Variants in STX3 observed in about 807,000 individuals in gnomAD.
STX3 encodes the protein syntaxin 3.
In STX3, 19 loss-of-function variants were observed where a neutral mutation model predicts 40.2. That is an observed-to-expected ratio of 0.47 (90% CI 0.33 to 0.69). The LOEUF is 0.69. Ranked by LOEUF, STX3 falls within the 30% of genes least tolerant of loss-of-function variation. The pLI, the probability that STX3 is intolerant of heterozygous loss-of-function variation, is 0.02. For synonymous variants in STX3, 122 were observed against 132.2 expected (o/e 0.92, Z 0.53); for missense variants, 364 against 366.7 (o/e 0.99, Z 0.06).
At chr11:59,782,333 A>C (rs747741006) in intron 2 of STX3, among the ~76,000 whole-genome samples, 1 of 152,248 alleles carries the variant, frequency 6.6e-6, no homozygotes, top group Non-Finnish European at 1.5e-5. Flanking sequence ...CAGGATTGCT[A>C]TGAGGATTAA....
At position 59,801,237 on chromosome 11, in the gene STX3, G is replaced by A; in HGVS notation, c.*413G>A. 9.4e-7 allele frequency: 1 copy of A among 1,063,482 alleles called. No individual in the cohort carries two copies. The highest frequency in any genetic ancestry group is 1.1e-6 in the Non-Finnish European group (1 of 878,714). The allele number at this position is 1,063,482 out of a possible 1,614,324, so 65.9% of individuals were successfully genotyped here. A position where few individuals can be genotyped will look rare whatever the true frequency, so the allele number is the denominator to read the frequency against. On this transcript the variant is annotated 3_prime_UTR_variant, in exon 11 of 11. Transcript: ENST00000337979. The stretch of plus-strand genomic sequence containing the variant: ...AGAAACTGCAATGTATTTTTTTAGG[G>A]GAGTATCTTTAACAAAGCAGAATGA...
rs765182865 is a variant in STX3, at chr11:59,790,575, C to T, written c.346C>T (p.Arg116Trp). 61 of 1,613,360 alleles carry T rather than the reference C, an allele frequency of 3.8e-5. No homozygotes were observed. Among genetic ancestry groups the T allele is most frequent in the Middle Eastern group, 1.6e-4 (1 of 6,082 alleles). ...EVRSSADLRI[R>W]KSQHSVLSRK... ...CAGGTCATCGGCAGACCTTCGGATTCGGAAATCCCAGGTAAGACTTTTCCT... is the reference window on the plus strand; with the variant it reads ...CAGGTCATCGGCAGACCTTCGGATTTGGAAATCCCAGGTAAGACTTTTCCT... The change falls in exon 5 of 11, where the codon CGG becomes TGG. Residue 116 changes from arginine to tryptophan, a missense_variant. Transcript: ENST00000337979.
At chr11:59,755,301 A>C, upstream of STX3, 1 of 250,806 alleles carries the variant, frequency 4.0e-6, no homozygotes, top group Non-Finnish European at 7.5e-6. Context: ...GCCCTTTAAG[A>C]AGGAGCGAGG....
At chr11:59,764,232 ATTGCATCT>A (rs1863177288) in intron 1 of STX3, among the ~76,000 whole-genome samples, 1 of 152,214 alleles carries the variant, frequency 6.6e-6, no homozygotes, top group Non-Finnish European at 1.5e-5. Flanking sequence ...TGGCATTAGA[ATTGCATCT>A]TTGCCAGAAA....
At chr11:59,760,012 C>T (rs929418465) in intron 1 of STX3, among the ~76,000 whole-genome samples, 5 of 152,162 alleles carry the variant, frequency 3.3e-5, no homozygotes, top group Non-Finnish European at 5.9e-5. Context: ...ATTCCTGCCT[C>T]CCCTCTTCTC....
At chr11:59,758,985 A>G (rs1862884111) in intron 1 of STX3, among the ~76,000 whole-genome samples, 1 of 152,212 alleles carries the variant, frequency 6.6e-6, no homozygotes, top group South Asian at 2.1e-4. Context: ...GATAGAAGCA[A>G]CCACAGGAAG....
intron 10 of STX3, among the ~76,000 whole-genome samples, chr11:59,798,645 G>A (rs1053714674): frequency 9.9e-5 from 15 of 151,784 alleles, no homozygotes; most frequent in African/African-American, 3.6e-4. Flanking sequence ...TCAGCCTCCC[G>A]AGTAGCTGGG....
intron 2 of STX3, chr11:59,781,702 G>T: frequency 6.3e-7 from 1 of 1,597,756 alleles, no homozygotes; most frequent in Non-Finnish European, 8.5e-7. Flanking sequence ...CTTCCTTCCA[G>T]CTGCTGAACT....
chr11:59,761,738 C>A (rs1026129391), intron 1 of STX3, among the ~76,000 whole-genome samples: 11 of 152,150 alleles, frequency 7.2e-5, no homozygotes, highest in African/African-American at 2.7e-4. Context: ...TTCAACCCCC[C>A]ACCTAAAGAG....
intron 1 of STX3, among the ~76,000 whole-genome samples, chr11:59,756,982 C>A (rs369599128): frequency 6.6e-6 from 1 of 152,132 alleles, no homozygotes; most frequent in African/African-American, 2.4e-5. Context: ...AGCAGGGCTG[C>A]GGAGGAGGCA....
Position 59,791,955 on chromosome 11 carries a change from G to A in STX3, c.358-152G>A, listed in dbSNP as rs1487550071. On this transcript the variant is annotated intron_variant, in intron 5 of 10. Coordinates refer to ENST00000337979, the MANE Select transcript of STX3 (RefSeq NM_004177.5). ...GAAAGGGCAGTGGACTCTCCCAGTGGCACAAAGCTAGGAAACAAAAAACTT... is the reference window on the plus strand; with the variant it reads ...GAAAGGGCAGTGGACTCTCCCAGTGACACAAAGCTAGGAAACAAAAAACTT... The A allele has an allele frequency of 1.0e-5, 7 of 690,982 alleles. No individual in the cohort carries two copies. The African/African-American group carries it at 1.1e-4, about 11-fold the overall frequency. 42.8% of individuals were successfully genotyped at this position (690,982 alleles called of 1,614,324 possible).
Position 59,792,164 on chromosome 11 carries a change from GTGGAC to G in STX3, c.417_421del (p.Asp140ProfsTer22). ...GATGACCAAATACAATGAAGCTCAA[GTGGAC>G]TTCCGAGAACGCAGCAAAGGGCGAA... On this transcript the variant is annotated frameshift_variant, in exon 6 of 11. Transcript: ENST00000337979. LOFTEE classifies it high-confidence loss of function. 1 of 1,614,140 alleles carries G rather than the reference GTGGAC, an allele frequency of 6.2e-7. No homozygotes were observed. Among genetic ancestry groups the G allele is most frequent in the East Asian group, 2.2e-5 (1 of 44,882 alleles).
intron 2 of STX3, chr11:59,781,870 T>C: frequency 4.0e-6 from 3 of 754,416 alleles, no homozygotes; most frequent in Non-Finnish European, 4.3e-6. Context: ...GGTGTATAAA[T>C]TGTGAAAAGG....
At position 59,765,420 on chromosome 11, in the gene STX3, C is replaced by T. The variant is rs190051410; in HGVS notation, c.31-7791C>T. Among the ~76,000 whole-genome samples the T allele has an allele frequency of 2.5e-3, 379 of 152,176 alleles. 4 individuals carry two copies. Among genetic ancestry groups the T allele is most frequent in the African/African-American group, 8.5e-3 (353 of 41,504 alleles). Reference sequence around the variant, plus strand: ...ATGTGTCTGTGTGTGTCTGTGTAACCTTTGTAAGTGGTGGTGTTTGTCTTT... The same window carrying T: ...ATGTGTCTGTGTGTGTCTGTGTAACTTTTGTAAGTGGTGGTGTTTGTCTTT... On this transcript the variant is annotated intron_variant, in intron 1 of 10. Transcript: ENST00000337979.
Position 59,801,612 on chromosome 11 carries a change from T to C in STX3, c.*788T>C, listed in dbSNP as rs1398739056. ...CTCATTGTTAGAAAGTGATGCTTTG[T>C]GAGACTATTGTCTTGGGGCCAAAAA... On this transcript the variant is annotated 3_prime_UTR_variant, in exon 11 of 11. Coordinates refer to ENST00000337979, the MANE Select transcript of STX3 (RefSeq NM_004177.5). 1.0e-6 allele frequency: 1 copy of C among 985,442 alleles called. No homozygotes were observed. Among genetic ancestry groups the C allele is most frequent in the African/African-American group, 1.7e-5 (1 of 57,250 alleles). 61.0% of individuals were successfully genotyped at this position (985,442 alleles called of 1,614,324 possible).
chr11:59,801,173 CAAGGTGCT>C lies in STX3; in HGVS notation c.*350_*357del. 2 of 1,231,732 alleles carry C rather than the reference CAAGGTGCT, an allele frequency of 1.6e-6. No individual in the cohort carries two copies. The highest frequency in any genetic ancestry group is 2.0e-6 in the Non-Finnish European group (2 of 981,524). The allele number at this position is 1,231,732 out of a possible 1,614,324, so 76.3% of individuals were successfully genotyped here. A position where few individuals can be genotyped will look rare whatever the true frequency, so the allele number is the denominator to read the frequency against. ...TGGGAAAGCTCTTGTGAGACTCTCC[CAAGGTGCT>C]GTATTTTTCTACCTCATGGAGTATT... On this transcript the variant is annotated 3_prime_UTR_variant, in exon 11 of 11. Coordinates refer to ENST00000337979, the MANE Select transcript of STX3 (RefSeq NM_004177.5).
intron 2 of STX3, among the ~76,000 whole-genome samples, chr11:59,778,512 C>T (rs1565175186): frequency 6.6e-6 from 1 of 152,084 alleles, no homozygotes; most frequent in South Asian, 2.1e-4. Flanking sequence ...AATGCCACTA[C>T]CCAAACAAAG....
chr11:59,786,984 A>G (rs1340491721), intron 2 of STX3, 53 bp from the exon 3 acceptor site: 17 of 1,509,094 alleles, frequency 1.1e-5, no homozygotes, highest in Non-Finnish European at 1.6e-5. Context: ...TATCTCAGCC[A>G]TGGACCTGTA....
Position 59,793,115 on chromosome 11 carries a change from C to T in STX3, c.483C>T (p.Thr161=), listed in dbSNP as rs199519154. The change falls in exon 7 of 11, where the codon ACC becomes ACT. Residue 161 remains threonine (T), a synonymous_variant. Coordinates refer to ENST00000337979, the MANE Select transcript of STX3 (RefSeq NM_004177.5). ...RQLEITGKKT[T]DEELEEMLES... ...GTTACAAAGCTGGCAAAAAGACAAC[C>T]GATGAGGAGCTGGAGGAGATGTTGG... 146 of 1,613,452 alleles carry T rather than the reference C, an allele frequency of 9.0e-5. No homozygotes were observed. Among genetic ancestry groups the T allele is most frequent in the East Asian group, 1.8e-4 (8 of 44,884 alleles).
Sources: allele counts gnomAD v4.1 joint callset (sites outside exome capture counted in the v4.1 genomes callset), GRCh38; gene constraint gnomAD v4.1.1; transcripts MANE v1.5; gene names NCBI Gene and HGNC (gene_info 2026-07-23, HGNC 2026-07-21).